The following DCAF4 variants were observed in gnomAD, a reference collection of about 807,000 sequenced individuals.
DCAF4 encodes the protein DDB1- and CUL4-associated factor 4.
DCAF4 carries 37 observed loss-of-function variants against 60.9 expected under a neutral mutation model. The observed-to-expected ratio is 0.61, with a 90% CI of 0.47 to 0.80. The LOEUF is 0.80. Ranked by LOEUF, DCAF4 falls within the 30% of genes least tolerant of loss-of-function variation. The pLI is 0.00. For missense variants in DCAF4, 577 were observed against 650.0 expected (o/e 0.89, Z 1.22); for synonymous variants, 243 against 254.8 (o/e 0.95, Z 0.44).
At chr14:72,938,958 T>G (rs1388392624) in intron 2 of DCAF4, among the ~76,000 whole-genome samples, 3 of 151,528 alleles carry the variant, frequency 2.0e-5, no homozygotes, top group Non-Finnish European at 2.9e-5. Flanking sequence ...GGTCTCAAAC[T>G]CCTGAGCTCA....
rs899105185 is a variant in DCAF4, at chr14:72,950,801, T to C, written c.729-997T>C. Among the ~76,000 whole-genome samples the C allele has an allele frequency of 1.0e-3, 85 of 84,014 alleles. 1 individual carries two copies. In the Admixed American group the frequency reaches 0.013, roughly 13 times the overall value. The allele number at this position is 84,014 out of a possible 152,430, so 55.1% of individuals were successfully genotyped here. On this transcript the variant is annotated intron_variant, in intron 8 of 13. Transcript: ENST00000358377. The stretch of plus-strand genomic sequence containing the variant: ...TAGTGAGATATTCCATGCAATGCCA[T>C]TTCTGTATGTTTTTTTTTAAACAAA...
At chr14:72,955,411 C>G in intron 11 of DCAF4, 112 bp from the exon 12 acceptor site, 1 of 1,301,562 alleles carries the variant, frequency 7.7e-7, no homozygotes, top group South Asian at 1.4e-5. Context: ...CGTGTCTAAT[C>G]ACACCGTCTG....
At position 72,954,110 on chromosome 14, in the gene DCAF4, C is replaced by G. The variant is rs1339184669; in HGVS notation, c.809-54C>G. On this transcript the variant is annotated intron_variant, in intron 9 of 13. Coordinates refer to ENST00000358377, the MANE Select transcript of DCAF4 (RefSeq NM_015604.4). ...TTGGATGTTTTCCGAACCCAGTGGT[C>G]CCTGGCCTGCCTAGAAGGCAGCCAC... 13 of 1,592,202 alleles carry G rather than the reference C, an allele frequency of 8.2e-6. No individual in the cohort carries two copies. The Admixed American group carries it at 2.2e-4, about 27-fold the overall frequency.
chr14:72,954,112 C>G, intron 9 of DCAF4, 52 bp from the exon 10 acceptor site: 1 of 1,597,216 alleles, frequency 6.3e-7, no homozygotes, highest in South Asian at 1.1e-5. Context: ...CCAGTGGTCC[C>G]TGGCCTGCCT....
In DCAF4 at chr14:72,939,896, G is replaced by T. The variant is rs1217910157; in HGVS notation, c.187G>T (p.Val63Leu). The change falls in exon 3 of 14, where the codon GTG (valine) becomes TTG (leucine). Residue 63 changes from valine (V) to leucine (L), a missense_variant. Coordinates refer to ENST00000358377, the MANE Select transcript of DCAF4 (RefSeq NM_015604.4). Reference protein sequence around the residue: ...TSSGTAGTSSVPELPGFYFDP... With the variant: ...TSSGTAGTSSLPELPGFYFDP... Reference sequence around the variant, plus strand: ...GTCTGGCACAGCTGGGACCTCCTCTGTGCCAGGTAAGGCCACTTGCGGGGT... The same window carrying T: ...GTCTGGCACAGCTGGGACCTCCTCTTTGCCAGGTAAGGCCACTTGCGGGGT... The T allele has an allele frequency of 1.2e-6, 2 of 1,606,720 alleles. No homozygotes were observed. The highest frequency in any genetic ancestry group is 1.3e-5 in the African/African-American group (1 of 74,792).
At chr14:72,955,110 C>CAAAAA (rs1191603255) in intron 11 of DCAF4, among the ~76,000 whole-genome samples, 11,525 of 128,948 alleles carry the variant, frequency 0.089, 535 homozygotes, top group East Asian at 0.19. Context: ...GACTCTGTCT[C>CAAAAA]AAAAAAAAAA....
chr14:72,961,297 C>T (rs1246768128), downstream of DCAF4, among the ~76,000 whole-genome samples: 5 of 152,240 alleles, frequency 3.3e-5, no homozygotes, highest in Non-Finnish European at 4.4e-5. Flanking sequence ...CTTCCCAACT[C>T]TGAAGCCCCT....
Position 72,951,854 on chromosome 14 carries a change from C to T in DCAF4, c.785C>T (p.Ser262Leu). Residue 262 changes from serine (S) to leucine (L), a missense_variant, in exon 9 of 14, where the codon TCA becomes TTA. Transcript: ENST00000358377. ...GGCTGTGCCACCCTGCTCCCAGCAT[C>T]ACTGTTCGTCAATAGTCACCCAGGT... ...TPGCATLLPA[S>L]LFVNSHPGID... 8.7e-6 allele frequency: 14 copies of T among 1,614,120 alleles called. No individual in the cohort carries two copies. The highest frequency in any genetic ancestry group is 1.1e-5 in the Non-Finnish European group (13 of 1,180,020).
chr14:72,955,559 A>G lies in DCAF4; in HGVS notation c.1042A>G (p.Ile348Val), dbSNP rs144109256. Reference sequence around the variant, plus strand: ...GTTTAATGGCTGCCGCTCTGGGGAAATCTTTGCCATTGATCTGCGTTGTGG... The same window carrying G: ...GTTTAATGGCTGCCGCTCTGGGGAAGTCTTTGCCATTGATCTGCGTTGTGG... ...LLFNGCRSGE[I>V]FAIDLRCGNQ... Residue 348 changes from isoleucine to valine, a missense_variant, in exon 12 of 14, where the codon ATC becomes GTC. Physicochemically the swap from Ile to Val is conservative, Grantham distance 29. Transcript: ENST00000358377. The G allele has an allele frequency of 6.2e-7, 1 of 1,614,124 alleles. No individual in the cohort carries two copies. The highest frequency in any genetic ancestry group is 2.2e-5 in the East Asian group (1 of 44,886).
At chr14:72,930,549 G>A (rs1374755477) in intron 1 of DCAF4, among the ~76,000 whole-genome samples, 1 of 152,172 alleles carries the variant, frequency 6.6e-6, no homozygotes, top group Non-Finnish European at 1.5e-5. Context: ...GATTACAGGC[G>A]TGAGCCACTG....
chr14:72,953,733 ATATATATATATAT>A (rs1282627339), intron 9 of DCAF4, among the ~76,000 whole-genome samples: 2 of 24,688 alleles, frequency 8.1e-5, no homozygotes, highest in South Asian at 2.1e-3. Context: ...AAAAAAAAAA[ATATATATATATAT>A]ATATATATAT....
At chr14:72,942,106 A>G (rs1036073055) in intron 5 of DCAF4, 5 of 374,290 alleles carry the variant, frequency 1.3e-5, no homozygotes, top group Admixed American at 1.3e-4. Flanking sequence ...AAGTCATTCT[A>G]GTAGAAGCTC....
chr14:72,954,322 T>C, intron 10 of DCAF4, 60 bp downstream of exon 10: 1 of 1,612,610 alleles, frequency 6.2e-7, no homozygotes, highest in East Asian at 2.2e-5. Context: ...AAACCCCATG[T>C]AGTTGTCCCT....
intron 1 of DCAF4, among the ~76,000 whole-genome samples, chr14:72,932,286 C>T (rs899728603): frequency 2.6e-5 from 4 of 152,120 alleles, no homozygotes; most frequent in Admixed American, 6.5e-5. Flanking sequence ...CCACTGCACC[C>T]GGCCTTGACC....
chr14:72,944,221 C>T (rs1026163362), intron 6 of DCAF4, among the ~76,000 whole-genome samples: 1 of 152,178 alleles, frequency 6.6e-6, no homozygotes. Flanking sequence ...CCCAAAGTTA[C>T]CGTGACTCTG....
rs1174882697 is a variant in DCAF4, at chr14:72,945,757, T to C, written c.535-127T>C. The C allele has an allele frequency of 3.9e-6, 5 of 1,288,030 alleles. No individual in the cohort carries two copies. In the Admixed American group the frequency reaches 1.0e-4, roughly 27 times the overall value. 79.8% of individuals were successfully genotyped at this position (1,288,030 alleles called of 1,614,324 possible). ...GTGAGGTCATCTCCACTCTCGCTCA[T>C]GGAGAGGAACTCTCACCTAGTGAAA... On this transcript the variant is annotated intron_variant, in intron 6 of 13. Coordinates refer to ENST00000358377, the MANE Select transcript of DCAF4 (RefSeq NM_015604.4).
rs2246976 is a variant in DCAF4, at chr14:72,946,031, C to T, written c.678+4C>T. The T allele has an allele frequency of 0.29, 474,119 of 1,613,170 alleles. 73,455 individuals carry two copies. Among genetic ancestry groups the T allele is most frequent in the Non-Finnish European group, 0.32 (374,311 of 1,179,826 alleles). On this transcript the variant is annotated splice_donor_region_variant and intron_variant, in intron 7 of 13. Coordinates refer to ENST00000358377, the MANE Select transcript of DCAF4 (RefSeq NM_015604.4). ...CCTCTACTTCACCAACCGGAAGGTA[C>T]GTTGCCCATCCCTGTAGCCTCTCTG...
At chr14:72,961,716 G>A (rs1292852379), downstream of DCAF4, 4 of 584,854 alleles carry the variant, frequency 6.8e-6, no homozygotes, top group Non-Finnish European at 8.6e-6. Flanking sequence ...GACATTTGAG[G>A]ATTGCGTGTT....
chr14:72,945,835 C>T (rs769325817), intron 6 of DCAF4, 49 bp from the exon 7 acceptor site: 46 of 1,611,470 alleles, frequency 2.9e-5, no homozygotes, highest in Non-Finnish European at 3.9e-5. Context: ...TTAGGCAGTC[C>T]ACCAGGCGCA....
Sources: allele counts gnomAD v4.1 joint callset (sites outside exome capture counted in the v4.1 genomes callset), GRCh38; gene constraint gnomAD v4.1.1; transcripts MANE v1.5; gene names NCBI Gene and HGNC (gene_info 2026-07-23, HGNC 2026-07-21).